The following ACOXL variants were observed in gnomAD, a reference collection of about 807,000 sequenced individuals.
The protein encoded by ACOXL is acyl-coenzyme A oxidase-like protein.
A neutral mutation model predicts 71.9 loss-of-function variants in ACOXL; 70 were observed. The observed-to-expected ratio is 0.97, with a 90% CI of 0.80 to 1.19. ACOXL has a LOEUF of 1.19. ACOXL is among the 50% of genes most tolerant of loss of function. The probability of loss-of-function intolerance (pLI) is 0.00; values close to 1 mark genes in which losing one functional copy is unlikely to be tolerated. For synonymous variants in ACOXL, 253 were observed against 281.6 expected (o/e 0.90, Z 1.02); for missense variants, 703 against 736.3 (o/e 0.95, Z 0.52).
At chr2:110,998,704 C>A (rs560507395) in intron 14 of ACOXL, among the ~76,000 whole-genome samples, 2 of 152,250 alleles carry the variant, frequency 1.3e-5, no homozygotes, top group East Asian at 3.9e-4. Flanking sequence ...CAATATGATC[C>A]CTTAAGCAGT....
At chr2:110,942,885 AAAAGG>A (rs937226892) in intron 12 of ACOXL, among the ~76,000 whole-genome samples, 3 of 150,954 alleles carry the variant, frequency 2.0e-5, no homozygotes, top group African/African-American at 7.4e-5. Flanking sequence ...CCCTGAAAAA[AAAAGG>A]AAGGCAGGAA....
chr2:110,927,376 G>T (rs1410877261), intron 11 of ACOXL, among the ~76,000 whole-genome samples: 33 of 152,146 alleles, frequency 2.2e-4, no homozygotes, highest in Admixed American at 1.7e-3. Flanking sequence ...TGGCCCTGGG[G>T]TGCCTTCCAC....
At chr2:110,783,873 G>A (rs1242650338) in intron 2 of ACOXL, among the ~76,000 whole-genome samples, 1 of 152,132 alleles carries the variant, frequency 6.6e-6, no homozygotes, top group East Asian at 1.9e-4. Context: ...GAAAATGCTG[G>A]CTGCCTCTGA....
chr2:110,862,036 T>A lies in ACOXL; in HGVS notation c.788+20631T>A, dbSNP rs143094049. Among the ~76,000 whole-genome samples the A allele has an allele frequency of 4.7e-4, 72 of 152,324 alleles. 1 individual carries two copies. Among genetic ancestry groups the A allele is most frequent in the Non-Finnish European group, 7.6e-4 (52 of 68,030 alleles). ...TCAGAACCTTTTTTCCTCTCTCCGTTCTGGAGGCACTTCTGTGGTTGCTGA... is the reference window on the plus strand; with the variant it reads ...TCAGAACCTTTTTTCCTCTCTCCGTACTGGAGGCACTTCTGTGGTTGCTGA... On this transcript the variant is annotated intron_variant, in intron 10 of 17. Transcript: ENST00000439055.
At chr2:111,030,126 A>T (rs1452750584) in intron 14 of ACOXL, among the ~76,000 whole-genome samples, 1 of 152,062 alleles carries the variant, frequency 6.6e-6, no homozygotes, top group Non-Finnish European at 1.5e-5. Context: ...TCTGCCTCCC[A>T]TGCAATGGTG....
intron 12 of ACOXL, among the ~76,000 whole-genome samples, 168 bp downstream of exon 12, chr2:110,933,810 T>C (rs1574181111): frequency 6.6e-6 from 1 of 152,238 alleles, no homozygotes; most frequent in East Asian, 1.9e-4. Context: ...GTCTCCATCA[T>C]ATGATGCTGC....
At chr2:111,082,379 C>A (rs1018409111) in intron 16 of ACOXL, among the ~76,000 whole-genome samples, 2 of 151,542 alleles carry the variant, frequency 1.3e-5, no homozygotes, top group African/African-American at 4.8e-5. Context: ...TGCATAGACA[C>A]TTCTCAAAAG....
chr2:110,906,026 G>T (rs1021839696), intron 10 of ACOXL, among the ~76,000 whole-genome samples: 1 of 152,174 alleles, frequency 6.6e-6, no homozygotes, highest in Non-Finnish European at 1.5e-5. Flanking sequence ...GCTACAAGGT[G>T]TGCCTCCATT....
chr2:110,986,761 A>G (rs965205760), intron 12 of ACOXL, among the ~76,000 whole-genome samples: 3 of 152,180 alleles, frequency 2.0e-5, no homozygotes, highest in Non-Finnish European at 2.9e-5. Flanking sequence ...CAGGGGTGAA[A>G]AAGAGAACGG....
At chr2:110,953,116 A>G (rs1211564436) in intron 12 of ACOXL, among the ~76,000 whole-genome samples, 1 of 152,150 alleles carries the variant, frequency 6.6e-6, no homozygotes, top group Admixed American at 6.5e-5. Context: ...CAATGGCCCT[A>G]TAGAGAAGGA....
At chr2:110,893,482 G>T (rs1271593684) in intron 10 of ACOXL, among the ~76,000 whole-genome samples, 2 of 152,094 alleles carry the variant, frequency 1.3e-5, no homozygotes, top group Admixed American at 1.3e-4. Context: ...ATTAAGATAG[G>T]CAAGTTATAC....
intron 14 of ACOXL, among the ~76,000 whole-genome samples, chr2:111,030,131 A>G (rs2065198116): frequency 6.6e-6 from 1 of 152,158 alleles, no homozygotes; most frequent in Admixed American, 6.5e-5. Context: ...CTCCCATGCA[A>G]TGGTGGGGGA....
At chr2:110,914,218 G>C (rs1489106836) in intron 11 of ACOXL, among the ~76,000 whole-genome samples, 1 of 152,158 alleles carries the variant, frequency 6.6e-6, no homozygotes, top group East Asian at 1.9e-4. Context: ...GGTTATGTGA[G>C]TCTTCTAAGT....
chr2:110,799,133 C>G lies in ACOXL; in HGVS notation c.547+33C>G, dbSNP rs144853600. On this transcript the variant is annotated intron_variant, in intron 7 of 17. Coordinates refer to ENST00000439055, the MANE Select transcript of ACOXL (RefSeq NM_001142807.4). ...CCCAGGTGCCCTTTTCCTGTGCTCACTCTTCCTACCTGCTCCCCACCTGAC... is the reference window on the plus strand; with the variant it reads ...CCCAGGTGCCCTTTTCCTGTGCTCAGTCTTCCTACCTGCTCCCCACCTGAC... 8.9e-4 allele frequency: 1,413 copies of G among 1,579,464 alleles called. 11 individuals carry two copies. Among genetic ancestry groups the G allele is most frequent in the Middle Eastern group, 3.9e-3 (23 of 5,962 alleles).
At chr2:111,080,573 G>A (rs1284362612) in intron 16 of ACOXL, among the ~76,000 whole-genome samples, 2 of 152,152 alleles carry the variant, frequency 1.3e-5, no homozygotes, top group Admixed American at 1.3e-4. Context: ...TGGATTCACA[G>A]CCAAATTCTA....
intron 9 of ACOXL, among the ~76,000 whole-genome samples, chr2:110,826,293 A>G (rs533411379): frequency 1.3e-5 from 2 of 152,250 alleles, no homozygotes; most frequent in Middle Eastern, 3.4e-3. Context: ...CCAATATTTA[A>G]TATTGTACTC....
intron 10 of ACOXL, among the ~76,000 whole-genome samples, chr2:110,852,963 C>A (rs940622218): frequency 6.6e-6 from 1 of 152,122 alleles, no homozygotes; most frequent in African/African-American, 2.4e-5. Context: ...GTGCTTGGAG[C>A]GGAAGGAGAG....
intron 14 of ACOXL, among the ~76,000 whole-genome samples, chr2:111,018,646 G>A (rs933533410): frequency 1.3e-5 from 2 of 152,092 alleles, no homozygotes; most frequent in South Asian, 2.1e-4. Flanking sequence ...TTCAAAGGCC[G>A]TAGTAACCAA....
At chr2:110,979,465 C>T (rs968275040) in intron 12 of ACOXL, among the ~76,000 whole-genome samples, 7 of 152,148 alleles carry the variant, frequency 4.6e-5, no homozygotes, top group African/African-American at 9.7e-5. Flanking sequence ...GGACGGTGCC[C>T]GTGGCCCAGC....
Sources: gnomAD v4.1 joint callset for allele counts (sites outside exome capture counted in the v4.1 genomes callset) on GRCh38, gnomAD v4.1.1 for gene constraint, MANE v1.5 for transcripts, NCBI Gene and HGNC (gene_info 2026-07-23, HGNC 2026-07-21) for gene names.